The following SHROOM4 variants were observed in gnomAD, a reference collection of about 807,000 sequenced individuals.
SHROOM4 encodes the protein shroom family member 4.
Under a neutral mutation model 80.3 loss-of-function variants are expected in SHROOM4, and 17 were observed. The observed-to-expected ratio is 0.21, with a 90% CI of 0.14 to 0.32. The LOEUF is 0.32. Among genes scored for constraint, SHROOM4 ranks in the 10% least tolerant of loss-of-function variants. SHROOM4 has a pLI of 1.00. For synonymous variants in SHROOM4, 400 were observed against 437.5 expected (o/e 0.91, Z 1.07); for missense variants, 993 against 1,140.3 (o/e 0.87, Z 1.86).
At chrX:50,807,136 T>C (rs532458613) in intron 1 of SHROOM4, among the ~76,000 whole-genome samples, 1 of 112,235 alleles carries the variant, frequency 8.9e-6, no homozygotes, top group South Asian at 3.7e-4. Context: ...TCAGTAATAA[T>C]ATAGATTAAG....
intron 1 of SHROOM4, among the ~76,000 whole-genome samples, chrX:50,739,293 A>G (rs1934586513): frequency 8.9e-6 from 1 of 111,749 alleles, no homozygotes; most frequent in Non-Finnish European, 1.9e-5. Flanking sequence ...TGTCTAAAAC[A>G]CCAAAAGCAA....
chrX:50,584,457 G>T (rs144310552), downstream of SHROOM4, among the ~76,000 whole-genome samples: 4 of 111,781 alleles, frequency 3.6e-5, no homozygotes, highest in African/African-American at 1.3e-4. Flanking sequence ...CTATCAAAAT[G>T]ACCTAGACAG....
chrX:50,652,059 T>C (rs1259635697), intron 2 of SHROOM4, among the ~76,000 whole-genome samples: 1 of 112,114 alleles, frequency 8.9e-6, no homozygotes, highest in African/African-American at 3.2e-5. Flanking sequence ...ACATGTGTCT[T>C]TACAGTAGAG....
intron 2 of SHROOM4, among the ~76,000 whole-genome samples, chrX:50,689,003 A>G: frequency 9.0e-6 from 1 of 111,560 alleles, no homozygotes; most frequent in African/African-American, 3.3e-5. Flanking sequence ...TTTTTATTAT[A>G]TGAACCTGGT....
chrX:50,758,432 G>A (rs1273128182), intron 1 of SHROOM4, among the ~76,000 whole-genome samples: 1 of 112,090 alleles, frequency 8.9e-6, no homozygotes, highest in Admixed American at 9.5e-5. Context: ...AAAGGTGATG[G>A]ATTGTGTCAA....
intron 1 of SHROOM4, among the ~76,000 whole-genome samples, chrX:50,762,925 G>A (rs988198555): frequency 3.6e-5 from 4 of 111,389 alleles, no homozygotes; most frequent in Non-Finnish European, 7.5e-5. Flanking sequence ...TTTTCCATAT[G>A]TAGATTAACA....
downstream of SHROOM4, among the ~76,000 whole-genome samples, chrX:50,586,211 T>C (rs1444447236): frequency 1.8e-5 from 2 of 112,175 alleles, no homozygotes; most frequent in Admixed American, 9.5e-5. Flanking sequence ...TGCTTTTTCA[T>C]CTTTATCAAA....
Position 50,594,448 on chromosome X carries a change from A to T in SHROOM4, c.*2247T>A, listed in dbSNP as rs1041254878. On this transcript the variant is annotated 3_prime_UTR_variant, in exon 9 of 9. Transcript: ENST00000376020. ...ATTTGAGATGGGATTAAGAACAAAA[A>T]TAACAGAGTTAATAGTATTTTTGGT... The T allele has an allele frequency of 2.6e-4, 29 of 112,430 alleles. No individual in the cohort carries two copies. The highest frequency in any genetic ancestry group is 9.0e-4 in the African/African-American group (28 of 30,952). The allele number at this position is 112,430 out of a possible 1,213,427, so 9.3% of individuals were successfully genotyped here. A position where few individuals can be genotyped will look rare whatever the true frequency, so the allele number is the denominator to read the frequency against.
chrX:50,785,078 A>G (rs1935711417), intron 1 of SHROOM4, among the ~76,000 whole-genome samples: 1 of 112,139 alleles, frequency 8.9e-6, no homozygotes, highest in African/African-American at 3.2e-5. Context: ...ATACATATCT[A>G]TTAGACTGGC....
chrX:50,697,084 C>T (rs1468432200), intron 1 of SHROOM4, among the ~76,000 whole-genome samples: 3 of 111,532 alleles, frequency 2.7e-5, no homozygotes, highest in Non-Finnish European at 5.7e-5. Context: ...CAACATGCTA[C>T]ATGCTAGAGA....
intron 7 of SHROOM4, among the ~76,000 whole-genome samples, chrX:50,602,000 A>T (rs1929436080): frequency 8.9e-6 from 1 of 111,883 alleles, no homozygotes; most frequent in Non-Finnish European, 1.9e-5. Flanking sequence ...TGGATCTACC[A>T]TTTAGTCTGT....
intron 1 of SHROOM4, among the ~76,000 whole-genome samples, chrX:50,813,160 TGGCGGCGGCGGCGGC>T (rs781798597): frequency 1.7e-4 from 17 of 102,018 alleles, no homozygotes; most frequent in Admixed American, 3.2e-4. Flanking sequence ...GCGGCGGCAG[TGGCGGCGGCGGCGGC>T]GGCGGCGGCG....
chrX:50,656,454 T>C (rs1247582295), intron 2 of SHROOM4, among the ~76,000 whole-genome samples: 4 of 112,077 alleles, frequency 3.6e-5, no homozygotes, highest in African/African-American at 1.3e-4. Flanking sequence ...AAGAGTCCAA[T>C]TTCATTCCGC....
At chrX:50,730,929 C>T (rs1389412299) in intron 1 of SHROOM4, among the ~76,000 whole-genome samples, 1 of 110,771 alleles carries the variant, frequency 9.0e-6, no homozygotes, top group Admixed American at 9.6e-5. Context: ...AATGGTAACT[C>T]AAGTACACAG....
chrX:50,637,244 A>G (rs987429606), intron 3 of SHROOM4, among the ~76,000 whole-genome samples: 26 of 112,137 alleles, frequency 2.3e-4, no homozygotes, highest in Non-Finnish European at 9.4e-5. Context: ...GCCATAGTCT[A>G]GAAAGCCAGA....
chrX:50,772,893 C>A (rs540108620), intron 1 of SHROOM4, among the ~76,000 whole-genome samples: 14 of 112,096 alleles, frequency 1.2e-4, no homozygotes, highest in Middle Eastern at 4.6e-3. Context: ...ATCCTTAGTG[C>A]ATCACAGGCC....
Position 50,641,084 on chromosome X carries a change from C to G in SHROOM4, c.270-2776G>C, listed in dbSNP as rs945541314. Among the ~76,000 whole-genome samples the G allele has an allele frequency of 2.7e-5, 3 of 112,215 alleles. No homozygotes were observed. In the Admixed American group the frequency reaches 2.8e-4, roughly 11 times the overall value. ...CCCTCTCCTTTTGTTAACCTAAATC[C>G]TACCTGTTCTTCAAGGTACTGCTCA... is the stretch of plus-strand genomic sequence containing the variant. On this transcript the variant is annotated intron_variant, in intron 2 of 8. Coordinates refer to ENST00000376020, the MANE Select transcript of SHROOM4 (RefSeq NM_020717.5).
Position 50,635,050 on chromosome X carries a change from G to A in SHROOM4, c.1023C>T (p.Asn341=), listed in dbSNP as rs782135878. 8.2e-7 allele frequency: 1 copy of A among 1,212,236 alleles called. No individual in the cohort carries two copies. The highest frequency in any genetic ancestry group is 1.1e-6 in the Non-Finnish European group (1 of 895,616). ...ATTCAGGAGGCTGACTGAACTCACA[G>A]TTCTGATGGCCCTCACTTGTCACTT... ...HDQVTSEGHQ[N]CEFSQPPESS... is the part of the protein sequence containing the mutation. The change falls in exon 4 of 9, where the codon AAC becomes AAT. Residue 341 remains asparagine (N), a synonymous_variant. Coordinates refer to ENST00000376020, the MANE Select transcript of SHROOM4 (RefSeq NM_020717.5).
In SHROOM4 at chrX:50,591,572, C is replaced by A. The variant is rs1273038910; in HGVS notation, c.*5123G>T. ...TTTGATCTTCTCTAATCTCTTTCAACAATGTTTTATAGTTTTCAGTGTAAA... is the reference window on the plus strand; with the variant it reads ...TTTGATCTTCTCTAATCTCTTTCAAAAATGTTTTATAGTTTTCAGTGTAAA... On this transcript the variant is annotated 3_prime_UTR_variant, in exon 9 of 9. Transcript: ENST00000376020. 7.8e-6 allele frequency: 2 copies of A among 257,282 alleles called. No individual in the cohort carries two copies. Among genetic ancestry groups the A allele is most frequent in the Non-Finnish European group, 1.4e-5 (2 of 141,187 alleles). The allele number at this position is 257,282 out of a possible 1,213,427, so 21.2% of individuals were successfully genotyped here.
Sources: allele counts gnomAD v4.1 joint callset (sites outside exome capture counted in the v4.1 genomes callset), GRCh38; gene constraint gnomAD v4.1.1; transcripts MANE v1.5; gene names NCBI Gene and HGNC (gene_info 2026-07-23, HGNC 2026-07-21).